Variants in CHLSN observed in about 807,000 individuals in gnomAD.
CHLSN encodes the protein cholesin, also known as protein cholesin.
At chr7:1,016,870 CAGCGCACAG>C in the CHLSN span, among the ~76,000 whole-genome samples, 2 of 99,600 alleles carry the variant, frequency 2.0e-5, no homozygotes, top group Admixed American at 2.1e-4. Flanking sequence ...CAGCACACAG[CAGCGCACAG>C]CAGCACACAC....
At chr7:1,136,236 AAAATATATAT>A in the CHLSN span, among the ~76,000 whole-genome samples, 3 of 115,724 alleles carry the variant, frequency 2.6e-5, no homozygotes, top group East Asian at 2.9e-4. Context: ...ATAAATATAT[AAAATATATAT>A]AAATATATAT....
chr7:1,030,118 T>C, the CHLSN span, among the ~76,000 whole-genome samples: 31 of 152,162 alleles, frequency 2.0e-4, no homozygotes, highest in African/African-American at 6.3e-4. Context: ...GTGTGCTGAC[T>C]CCCCAGTGTG....
At chr7:1,033,961 C>T in the CHLSN span, among the ~76,000 whole-genome samples, 10 of 152,336 alleles carry the variant, frequency 6.6e-5, no homozygotes, top group Non-Finnish European at 1.2e-4. Flanking sequence ...TCAGGCTGGC[C>T]GGGGGCCACA....
At chr7:1,002,393 G>A in the CHLSN span, among the ~76,000 whole-genome samples, 2 of 133,458 alleles carry the variant, frequency 1.5e-5, no homozygotes, top group Admixed American at 7.2e-5. Context: ...GGAGTCCTGT[G>A]GGTGAGTGGA....
At chr7:1,135,949 A>ATATATATAAATATATATAAG in the CHLSN span, among the ~76,000 whole-genome samples, 1 of 87,276 alleles carries the variant, frequency 1.1e-5, no homozygotes, top group African/African-American at 6.0e-5. Flanking sequence ...GTATATATAA[A>ATATATATAAATATATATAAG]TATATATAAA....
chr7:997,895 G>A, the CHLSN span: 282 of 1,258,768 alleles, frequency 2.2e-4, 2 homozygotes, highest in African/African-American at 3.8e-3. Flanking sequence ...AAGGACACCC[G>A]GGCCTCAGGC....
chr7:996,447 T>C, the CHLSN span, among the ~76,000 whole-genome samples: 2 of 152,098 alleles, frequency 1.3e-5, no homozygotes, highest in African/African-American at 2.4e-5. Context: ...CCACCGTCAG[T>C]TGGGGGAGCA....
chr7:1,093,634 T>C, the CHLSN span: 1 of 471,126 alleles, frequency 2.1e-6, no homozygotes, highest in African/African-American at 2.0e-5. Flanking sequence ...CCGTGTGGGT[T>C]AGTCGGGTGC....
the CHLSN span, among the ~76,000 whole-genome samples, chr7:1,068,138 G>C: frequency 1.3e-5 from 2 of 152,166 alleles, no homozygotes; most frequent in African/African-American, 4.8e-5. Context: ...TTAGCAGAGG[G>C]CAAAGCCTTG....
the CHLSN span, among the ~76,000 whole-genome samples, chr7:1,004,042 T>G: frequency 2.6e-5 from 4 of 151,414 alleles, no homozygotes; most frequent in Non-Finnish European, 5.9e-5. Flanking sequence ...CCTGCGGGTG[T>G]GGAGCCCAGC....
chr7:1,103,097 C>T, the CHLSN span, among the ~76,000 whole-genome samples: 186 of 152,348 alleles, frequency 1.2e-3, 1 homozygote, highest in African/African-American at 4.3e-3. Flanking sequence ...GTCTCCCGGG[C>T]CCTCCTCCCT....
the CHLSN span, among the ~76,000 whole-genome samples, chr7:1,072,593 A>G: frequency 2.0e-5 from 3 of 151,328 alleles, no homozygotes; most frequent in South Asian, 6.3e-4. Context: ...TAAACGTCTG[A>G]GGGGCAACAC....
chr7:1,010,903 G>C, the CHLSN span, among the ~76,000 whole-genome samples: 1 of 151,472 alleles, frequency 6.6e-6, no homozygotes, highest in Non-Finnish European at 1.5e-5. Flanking sequence ...GCAAGGCCAG[G>C]AGCCCAGGGA....
the CHLSN span, among the ~76,000 whole-genome samples, chr7:1,090,474 G>A: frequency 6.6e-6 from 1 of 152,094 alleles, no homozygotes; most frequent in Non-Finnish European, 1.5e-5. Context: ...GGGTGACACG[G>A]GGTGGGTGAT....
At chr7:1,016,847 A>G in the CHLSN span, among the ~76,000 whole-genome samples, 82 of 43,396 alleles carry the variant, frequency 1.9e-3, 11 homozygotes, top group African/African-American at 6.2e-3. Context: ...GCACGCCAGC[A>G]CACAGCAGCA....
At chr7:985,430 C>G in the CHLSN span, 6 of 1,265,100 alleles carry the variant, frequency 4.7e-6, no homozygotes, top group Non-Finnish European at 6.4e-6. Context: ...TCTCGGCCCT[C>G]CCACCTTGCA....
chr7:1,040,183 T>TAAAAAAAAA, the CHLSN span, among the ~76,000 whole-genome samples: 68 of 74,514 alleles, frequency 9.1e-4, no homozygotes, highest in African/African-American at 2.8e-3. Context: ...AAAATAAATT[T>TAAAAAAAAA]AAAAAAAAAA....
chr7:983,624 G>A, the CHLSN span, among the ~76,000 whole-genome samples: 3 of 152,206 alleles, frequency 2.0e-5, no homozygotes, highest in African/African-American at 7.2e-5. Flanking sequence ...AGGGCCCGGC[G>A]CGGGAGCAGG....
the CHLSN span, among the ~76,000 whole-genome samples, chr7:1,054,489 C>T: frequency 1.3e-5 from 2 of 152,232 alleles, no homozygotes; most frequent in East Asian, 1.9e-4. Flanking sequence ...ACTCGAGAGC[C>T]GGTTCAGGGC....
Sources: allele counts gnomAD v4.1 joint callset (sites outside exome capture counted in the v4.1 genomes callset), GRCh38; gene constraint gnomAD v4.1.1; transcripts MANE v1.5; gene names NCBI Gene and HGNC (gene_info 2026-07-23, HGNC 2026-07-21).